Variants in PARD3B observed in about 807,000 individuals in gnomAD.
PARD3B encodes the protein partitioning defective 3 homolog B.
PARD3B carries 103 observed loss-of-function variants against 130.2 expected under a neutral mutation model. The observed-to-expected ratio is 0.79, with a 90% CI of 0.67 to 0.93. The LOEUF is 0.93. Among genes scored for constraint, PARD3B ranks in the 40% least tolerant of loss-of-function variants. The pLI, the probability that PARD3B is intolerant of heterozygous loss-of-function variation, is 0.00. For missense variants in PARD3B, 1,609 were observed against 1,499.2 expected (o/e 1.07, Z -1.21); for synonymous variants, 583 against 553.2 (o/e 1.05, Z -0.76).
At chr2:205,335,332 G>T (rs902280938) in intron 18 of PARD3B, among the ~76,000 whole-genome samples, 1 of 152,146 alleles carries the variant, frequency 6.6e-6, no homozygotes, top group Admixed American at 6.5e-5. Context: ...TATCTCTAAG[G>T]CTTACCATCA....
chr2:204,681,790 G>T (rs996293729), intron 1 of PARD3B, among the ~76,000 whole-genome samples: 2 of 152,082 alleles, frequency 1.3e-5, no homozygotes, highest in Non-Finnish European at 2.9e-5. Context: ...TTCTCATTTG[G>T]TCTTGGGTAG....
At chr2:204,921,918 C>A (rs1188888785) in intron 2 of PARD3B, among the ~76,000 whole-genome samples, 9 of 151,994 alleles carry the variant, frequency 5.9e-5, no homozygotes, top group Non-Finnish European at 1.3e-4. Context: ...CTAAAATCTG[C>A]AGAGTTGTAC....
rs1346496463 is a variant in PARD3B at position 205,550,921 on chromosome 2, TTA to T, written c.3181-2401_3181-2400del. Among the ~76,000 whole-genome samples the T allele has an allele frequency of 1.7e-4, 17 of 98,380 alleles. 1 individual carries two copies. Among genetic ancestry groups the T allele is most frequent in the South Asian group, 3.6e-4 (1 of 2,814 alleles). 64.5% of individuals were successfully genotyped at this position (98,380 alleles called of 152,430 possible). On this transcript the variant is annotated intron_variant, in intron 21 of 22. Coordinates refer to ENST00000406610, the MANE Select transcript of PARD3B (RefSeq NM_001302769.2). This position sits in a 1 kb window ranked among gnomAD's most constrained non-coding sequence, Gnocchi z 4.5. ...ATAATCATGTTATAAATACATATAATTATGTGTGTGTGTGTGTGTGTATATAT... is the reference window on the plus strand; with the variant it reads ...ATAATCATGTTATAAATACATATAATTGTGTGTGTGTGTGTGTGTATATAT...
At chr2:205,436,708 G>C (rs957958705) in intron 19 of PARD3B, among the ~76,000 whole-genome samples, 1 of 151,978 alleles carries the variant, frequency 6.6e-6, no homozygotes, top group African/African-American at 2.4e-5. Context: ...GATTTGCTGG[G>C]TACTCTGCCC....
chr2:205,247,602 A>G (rs1330621021), intron 16 of PARD3B, among the ~76,000 whole-genome samples: 1 of 152,214 alleles, frequency 6.6e-6, no homozygotes, highest in East Asian at 1.9e-4. Flanking sequence ...GTTACTAATT[A>G]GTACTGTTAT....
intron 2 of PARD3B, among the ~76,000 whole-genome samples, chr2:204,932,683 G>A (rs911769906): frequency 6.6e-6 from 1 of 152,172 alleles, no homozygotes; most frequent in Non-Finnish European, 1.5e-5. Flanking sequence ...ATGTGTCTAG[G>A]AATTGGACAG....
rs1280501755 is a variant in PARD3B at position 204,967,966 on chromosome 2, C to T, written c.394+2643C>T. 6.6e-6 allele frequency among the ~76,000 whole-genome samples: 1 copy of T among 152,142 alleles called. No homozygotes were observed. Among genetic ancestry groups the T allele is most frequent in the Non-Finnish European group, 1.5e-5 (1 of 68,034 alleles). The stretch of plus-strand genomic sequence containing the variant: ...CCTGTGCCCCAGCAGTTCCTCCTAA[C>T]AGGGTGCTCATGAAATGTCAGCCAT... On this transcript the variant is annotated intron_variant, in intron 3 of 22. Coordinates refer to ENST00000406610, the MANE Select transcript of PARD3B (RefSeq NM_001302769.2). This position sits in a 1 kb window ranked among gnomAD's most constrained non-coding sequence, Gnocchi z 4.4.
intron 2 of PARD3B, among the ~76,000 whole-genome samples, chr2:204,696,731 T>C (rs2037628244): frequency 6.6e-6 from 1 of 152,120 alleles, no homozygotes; most frequent in Non-Finnish European, 1.5e-5. Flanking sequence ...CATGTGAATA[T>C]GGAAACTTCA....
Position 205,229,979 on chromosome 2 carries a change from C to T in PARD3B, c.2141-15799C>T, listed in dbSNP as rs900454325. ...TCTACCACTGATGCTCATTCCAGGT[C>T]TAAGGACTCTTCAGTCAGCTCATGG... On this transcript the variant is annotated intron_variant, in intron 15 of 22. Transcript: ENST00000406610. The surrounding 1 kb of genome is among the most constrained non-coding windows in gnomAD (Gnocchi z 5.2). Among the ~76,000 whole-genome samples, 5 of 151,990 alleles carry T rather than the reference C, an allele frequency of 3.3e-5. No individual in the cohort carries two copies. Among genetic ancestry groups the T allele is most frequent in the African/African-American group, 1.2e-4 (5 of 41,460 alleles).
rs532941465 is a variant in PARD3B, at chr2:205,125,255, G to C, written c.1306-354G>C. On this transcript the variant is annotated intron_variant, in intron 9 of 22. Coordinates refer to ENST00000406610, the MANE Select transcript of PARD3B (RefSeq NM_001302769.2). This position sits in a 1 kb window ranked among gnomAD's most constrained non-coding sequence, Gnocchi z 4.0. ...CAGAGAAATTTGCCTTGTGATCATG[G>C]TTCACTCTGCTTGTTGAATTAGGCA... is the stretch of plus-strand genomic sequence containing the variant. 6.6e-6 allele frequency among the ~76,000 whole-genome samples: 1 copy of C among 152,288 alleles called. No homozygotes were observed. The highest frequency in any genetic ancestry group is 1.5e-5 in the Non-Finnish European group (1 of 68,030).
chr2:205,067,686 G>T (rs1006198522), intron 4 of PARD3B, among the ~76,000 whole-genome samples: 4 of 151,756 alleles, frequency 2.6e-5, no homozygotes, highest in African/African-American at 4.8e-5. Context: ...TTAATATTTG[G>T]CATGAGAAAT....
intron 2 of PARD3B, among the ~76,000 whole-genome samples, chr2:204,835,014 C>G (rs1275029850): frequency 6.6e-6 from 1 of 152,190 alleles, no homozygotes; most frequent in Non-Finnish European, 1.5e-5. Flanking sequence ...GTCACTTAAC[C>G]TCACTGAGGG....
chr2:205,327,277 G>A (rs1191107782), intron 18 of PARD3B, among the ~76,000 whole-genome samples: 1 of 152,112 alleles, frequency 6.6e-6, no homozygotes, highest in African/African-American at 2.4e-5. Context: ...TGAAGATATG[G>A]CTGTATATTT....
chr2:204,825,094 A>G (rs1365993881), intron 2 of PARD3B, among the ~76,000 whole-genome samples: 1 of 152,196 alleles, frequency 6.6e-6, no homozygotes, highest in East Asian at 1.9e-4. Context: ...TCATTGTCCA[A>G]GTCCTGACTG....
At chr2:204,804,028 A>G (rs1252196737) in intron 2 of PARD3B, among the ~76,000 whole-genome samples, 1 of 152,166 alleles carries the variant, frequency 6.6e-6, no homozygotes, top group Admixed American at 6.5e-5. Context: ...AGTCTGGGCA[A>G]CATGGCAAAA....
Position 205,253,053 on chromosome 2 carries a change from A to G in PARD3B, c.2185+7231A>G, listed in dbSNP as rs564395306. On this transcript the variant is annotated intron_variant, in intron 16 of 22. Transcript: ENST00000406610. This position sits in a 1 kb window ranked among gnomAD's most constrained non-coding sequence, Gnocchi z 4.4. ...TTGATTTTCATTGTACTTGTCAGCT[A>G]TTGCTGCAACTATGCTGCATAATAA... Among the ~76,000 whole-genome samples the G allele has an allele frequency of 2.6e-5, 4 of 152,232 alleles. No individual in the cohort carries two copies. The East Asian group carries it at 5.8e-4, about 22-fold the overall frequency.
intron 1 of PARD3B, among the ~76,000 whole-genome samples, chr2:204,624,978 A>G (rs1055750633): frequency 1.3e-5 from 2 of 152,078 alleles, no homozygotes; most frequent in Non-Finnish European, 2.9e-5. Flanking sequence ...CATTTCCCTA[A>G]TGGCTAGTGA....
chr2:205,555,909 G>C lies in PARD3B; in HGVS notation c.3260+2506G>C, dbSNP rs2052861319. On this transcript the variant is annotated intron_variant, in intron 22 of 22. Coordinates refer to ENST00000406610, the MANE Select transcript of PARD3B (RefSeq NM_001302769.2). ...TTGCACCCTGGTCCATGGGTGGGGG[G>C]CTCCAAATTAAACTAATGAGATGCA... 1.3e-5 allele frequency among the ~76,000 whole-genome samples: 2 copies of C among 152,272 alleles called. 1 individual carries two copies. The highest frequency in any genetic ancestry group is 4.2e-4 in the South Asian group (2 of 4,814).
intron 3 of PARD3B, among the ~76,000 whole-genome samples, chr2:205,044,968 T>C (rs1698664793): frequency 6.6e-6 from 1 of 152,096 alleles, no homozygotes; most frequent in South Asian, 2.1e-4. Flanking sequence ...CAATGTGGAA[T>C]GATTTGCACT....
Sources: allele counts gnomAD v4.1 joint callset (sites outside exome capture counted in the v4.1 genomes callset), GRCh38; gene constraint gnomAD v4.1.1; non-coding constraint Gnocchi (gnomAD v3.1); transcripts MANE v1.5; gene names NCBI Gene and HGNC (gene_info 2026-07-23, HGNC 2026-07-21).